NKTR: variants seen among roughly 807,000 people sequenced by gnomAD.
NKTR encodes natural killer cell triggering receptor, also known as NK-tumor recognition protein.
In NKTR, 67 loss-of-function variants were observed where a neutral mutation model predicts 156.3. The observed-to-expected ratio is 0.43, with a 90% CI of 0.35 to 0.53. NKTR has a LOEUF of 0.53. NKTR is among the 20% of genes least tolerant of loss of function. The pLI is 0.01. For missense variants in NKTR, 1,604 were observed against 1,730.9 expected, an observed-to-expected ratio of 0.93 and a Z score of 1.30; for synonymous variants, 640 against 596.6, an observed-to-expected ratio of 1.07 and a Z score of -1.06.
At chr3:42,631,539 T>A (rs969244264) in intron 8 of NKTR, among the ~76,000 whole-genome samples, 1 of 152,218 alleles carries the variant, frequency 6.6e-6, no homozygotes, top group African/African-American at 2.4e-5. Context: ...GTGTCTGGAT[T>A]ATTGCCGTAG....
intron 5 of NKTR, 82 bp downstream of exon 5, chr3:42,619,790 T>TAA: frequency 6.4e-7 from 1 of 1,563,242 alleles, no homozygotes; most frequent in Non-Finnish European, 8.6e-7. Context: ...TGAGAAGAGG[T>TAA]TTACTTATAG....
rs754742625 is a variant in NKTR, at chr3:42,637,152, G to T, written c.1448G>T (p.Arg483Met). Reference sequence around the variant, plus strand: ...ATGAAATCCTCTTGTGATAGAGAAAGGAGTTCTCGTTCTTCCTCATTGTCA... The same window carrying T: ...ATGAAATCCTCTTGTGATAGAGAAATGAGTTCTCGTTCTTCCTCATTGTCA... The part of the protein sequence containing the change: ...RRMKSSCDRE[R>M]SSRSSSLSSH... The change falls in exon 13 of 17, where the codon AGG (arginine) becomes ATG (methionine). Residue 483 changes from arginine (R) to methionine (M), a missense_variant. Arg to Met is a moderately conservative substitution (Grantham distance 91). Around this residue, in one of 6 missense-constraint regions of NKTR, gnomAD observed 1,255 missense variants for 1,243.7 expected, o/e 1.01. Coordinates refer to ENST00000232978, the MANE Select transcript of NKTR (RefSeq NM_005385.4). 11 of 1,612,034 alleles carry T rather than the reference G, an allele frequency of 6.8e-6. No individual in the cohort carries two copies. Among genetic ancestry groups the T allele is most frequent in the Non-Finnish European group, 9.3e-6 (11 of 1,179,462 alleles).
chr3:42,605,055 A>G (rs896577777), intron 2 of NKTR, among the ~76,000 whole-genome samples: 5 of 152,066 alleles, frequency 3.3e-5, no homozygotes, highest in African/African-American at 1.2e-4. Context: ...GTGGGTACAT[A>G]CATATTTAGG....
chr3:42,609,097 C>T (rs1226697860), intron 2 of NKTR, among the ~76,000 whole-genome samples: 1 of 151,542 alleles, frequency 6.6e-6, no homozygotes, highest in Non-Finnish European at 1.5e-5. Context: ...CACTGCACTC[C>T]TGCCTGGGCA....
chr3:42,601,164 G>T (rs1439005673), intron 2 of NKTR, 100 bp downstream of exon 2: 4 of 971,952 alleles, frequency 4.1e-6, no homozygotes, highest in Non-Finnish European at 5.8e-6. Context: ...TTTGGGAGCG[G>T]GTAGGAGGCG....
rs1236972264 is a variant in NKTR, at chr3:42,639,401, G to A, written c.3697G>A (p.Gly1233Arg). 4 of 1,613,994 alleles carry A rather than the reference G, an allele frequency of 2.5e-6. No individual in the cohort carries two copies. The highest frequency in any genetic ancestry group is 3.4e-6 in the Non-Finnish European group (4 of 1,179,886). The change falls in exon 13 of 17, where the codon GGG (glycine) becomes AGG (arginine). Residue 1233 changes from glycine (G) to arginine (R), a missense_variant. By Grantham distance (125) the Gly-to-Arg change is moderately radical (BLOSUM62 -2). Around this residue, in one of 6 missense-constraint regions of NKTR, gnomAD observed 1,255 missense variants for 1,243.7 expected, o/e 1.01. Coordinates refer to ENST00000232978, the MANE Select transcript of NKTR (RefSeq NM_005385.4). Reference protein sequence around the residue: ...DKKWKPLQGVGNLAAPNAATS... With the variant: ...DKKWKPLQGVRNLAAPNAATS... ...GAAATGGAAGCCCCTGCAAGGTGTGGGGAACCTGGCAGCACCTAATGCTGC... is the reference window on the plus strand; with the variant it reads ...GAAATGGAAGCCCCTGCAAGGTGTGAGGAACCTGGCAGCACCTAATGCTGC...
chr3:42,610,736 TC>T (rs1706706186), intron 2 of NKTR, among the ~76,000 whole-genome samples: 1 of 152,118 alleles, frequency 6.6e-6, no homozygotes, highest in African/African-American at 2.4e-5. Flanking sequence ...ATATCATCTC[TC>T]CCAGGCTTTG....
Position 42,639,030 on chromosome 3 carries a change from A to C in NKTR, c.3326A>C (p.Gln1109Pro). ...EENVACLQNI[Q>P]HVEESVPNGV... ...AATGTGGCCTGTTTACAAAACATTC[A>C]GCACGTTGAAGAAAGTGTTCCCAAT... The change falls in exon 13 of 17, where the codon CAG (glutamine) becomes CCG (proline). Residue 1109 changes from glutamine (Q) to proline (P), a missense_variant. Around this residue, in one of 6 missense-constraint regions of NKTR, gnomAD observed 1,255 missense variants for 1,243.7 expected, o/e 1.01. Coordinates refer to ENST00000232978, the MANE Select transcript of NKTR (RefSeq NM_005385.4). The C allele has an allele frequency of 6.2e-7, 1 of 1,613,952 alleles. No individual in the cohort carries two copies. Among genetic ancestry groups the C allele is most frequent in the Non-Finnish European group, 8.5e-7 (1 of 1,179,906 alleles).
chr3:42,618,286 G>A (rs1216493586), intron 3 of NKTR, among the ~76,000 whole-genome samples: 1 of 150,188 alleles, frequency 6.7e-6, no homozygotes. Context: ...GGGAGGCGGA[G>A]CTTGCAATGA....
intron 2 of NKTR, among the ~76,000 whole-genome samples, chr3:42,608,320 C>A (rs1446298925): frequency 6.6e-6 from 1 of 152,088 alleles, no homozygotes; most frequent in Non-Finnish European, 1.5e-5. Context: ...GGGATTCCTA[C>A]AACCCCCTGC....
chr3:42,628,352 T>G (rs1015882556), intron 6 of NKTR: 1 of 985,380 alleles, frequency 1.0e-6, no homozygotes, highest in African/African-American at 1.7e-5. Flanking sequence ...TCATTTGAAT[T>G]AAAAACTAAA....
At chr3:42,635,077 A>G (rs1476792255) in intron 11 of NKTR, 144 bp from the exon 12 acceptor site, 2 of 462,086 alleles carry the variant, frequency 4.3e-6, no homozygotes, top group Non-Finnish European at 7.1e-6. Flanking sequence ...AAAAAAAAAA[A>G]AGAACTTTAG....
At chr3:42,625,347 C>T (rs1056110173) in intron 6 of NKTR, among the ~76,000 whole-genome samples, 1 of 151,512 alleles carries the variant, frequency 6.6e-6, no homozygotes, top group Non-Finnish European at 1.5e-5. Context: ...TGTAAGAAAA[C>T]AAGATAATAT....
At chr3:42,642,259 C>G (rs1475945232) in intron 13 of NKTR, among the ~76,000 whole-genome samples, 1 of 152,078 alleles carries the variant, frequency 6.6e-6, no homozygotes, top group East Asian at 1.9e-4. Flanking sequence ...TGTTATAAAT[C>G]AGGCTTCTAT....
rs1448744321 is a variant in NKTR, at chr3:42,638,851, A to G, written c.3147A>G (p.Glu1049=). ...AGAAAAAAGTTTCTGAAAACAATGA[A>G]ACCATAAAAGATAATATTCTAAAAA... The part of the protein sequence containing the change: ...SKEKKVSENN[E]TIKDNILKTE... Residue 1049 remains glutamate, a synonymous_variant, in exon 13 of 17, where the codon GAA becomes GAG. Transcript: ENST00000232978. 1 of 1,604,048 alleles carries G rather than the reference A, an allele frequency of 6.2e-7. No homozygotes were observed. Among genetic ancestry groups the G allele is most frequent in the East Asian group, 2.2e-5 (1 of 44,870 alleles).
At chr3:42,629,049 A>G (rs1708657134) in intron 6 of NKTR, 1 of 901,352 alleles carries the variant, frequency 1.1e-6, no homozygotes, top group Non-Finnish European at 1.3e-6. Context: ...CATCTTTCAT[A>G]TAATAGAGTC....
chr3:42,642,418 C>T (rs1033459809), intron 13 of NKTR, 83 bp from the exon 14 acceptor site: 2 of 1,009,060 alleles, frequency 2.0e-6, no homozygotes, highest in Non-Finnish European at 3.1e-6. Context: ...TTGTGTTTTC[C>T]CCTTTCTGCC....
chr3:42,639,785 G>A, intron 13 of NKTR, 35 bp downstream of exon 13: 1 of 1,406,672 alleles, frequency 7.1e-7, no homozygotes, highest in Non-Finnish European at 9.8e-7. Context: ...TTCTCCCAAG[G>A]AGAGTCTGTT....
Position 42,638,505 on chromosome 3 carries a change from A to T in NKTR, c.2801A>T (p.Lys934Met). ...EIHIKVKPTT[K>M]SSTNTSLPDD... ...CACATCAAAGTCAAACCCACAACCA[A>T]GTCGTCCACAAATACTTCACTGCCT... Residue 934 changes from lysine to methionine, a missense_variant, in exon 13 of 17, where the codon AAG (lysine) becomes ATG (methionine). By Grantham distance (95) the Lys-to-Met change is moderately conservative. Transcript: ENST00000232978. The T allele has an allele frequency of 6.2e-7, 1 of 1,611,744 alleles. No individual in the cohort carries two copies. The highest frequency in any genetic ancestry group is 8.5e-7 in the Non-Finnish European group (1 of 1,179,348).
Sources: gnomAD v4.1 joint callset for allele counts (sites outside exome capture counted in the v4.1 genomes callset) on GRCh38, gnomAD v4.1.1 for gene constraint, gnomAD v4.1.1 regional missense constraint, MANE v1.5 for transcripts, NCBI Gene and HGNC (gene_info 2026-07-23, HGNC 2026-07-21) for gene names.